Variants in ABI3BP observed in about 807,000 individuals in gnomAD.
ABI3BP encodes the protein ABI family member 3 binding protein.
Under a neutral mutation model 268.6 loss-of-function variants are expected in ABI3BP, and 216 were observed. That is an observed-to-expected ratio of 0.80 (90% confidence interval 0.72 to 0.90). The LOEUF is 0.90. ABI3BP is among the 40% of genes least tolerant of loss of function. The pLI, the probability that ABI3BP is intolerant of heterozygous loss-of-function variation, is 0.00. For synonymous variants in ABI3BP, 730 were observed against 730.0 expected (o/e 1.00, Z 0.00); for missense variants, 2,090 against 2,182.4 (o/e 0.96, Z 0.84).
intron 49 of ABI3BP, among the ~76,000 whole-genome samples, chr3:100,810,069 C>T (rs2152475478): frequency 6.6e-6 from 1 of 152,116 alleles, no homozygotes; most frequent in African/African-American, 2.4e-5. Context: ...ATACTTTTTA[C>T]ATGATCATAG....
intron 1 of ABI3BP, among the ~76,000 whole-genome samples, chr3:100,929,404 G>T (rs1181760676): frequency 1.3e-5 from 2 of 151,948 alleles, no homozygotes; most frequent in African/African-American, 4.8e-5. Flanking sequence ...TCTCCCTTTT[G>T]CTAACAATGT....
At chr3:100,954,450 C>T (rs2076154007) in intron 1 of ABI3BP, among the ~76,000 whole-genome samples, 1 of 152,202 alleles carries the variant, frequency 6.6e-6, no homozygotes, top group Non-Finnish European at 1.5e-5. Context: ...TTTTCACGTA[C>T]ATGCCCTTCC....
chr3:100,750,108 G>A lies in ABI3BP; in HGVS notation c.*387C>T, dbSNP rs896394353. 4.4e-6 allele frequency: 1 copy of A among 229,324 alleles called. No individual in the cohort carries two copies. 14.2% of individuals were successfully genotyped at this position (229,324 alleles called of 1,614,324 possible). On this transcript the variant is annotated 3_prime_UTR_variant, in exon 68 of 68. Transcript: ENST00000471714. Reference sequence around the variant, plus strand: ...GATTTATGGAATTAACTCATCAATAGGAAGAGTACACATCAATAAAAGTAA... The same window carrying A: ...GATTTATGGAATTAACTCATCAATAAGAAGAGTACACATCAATAAAAGTAA...
chr3:100,922,067 A>T (rs924888555), intron 2 of ABI3BP, among the ~76,000 whole-genome samples: 3 of 152,242 alleles, frequency 2.0e-5, no homozygotes, highest in Admixed American at 2.0e-4. Flanking sequence ...CTTATTACAA[A>T]AGAAAGTAAG....
At chr3:100,802,423 C>T (rs2097558942) in intron 51 of ABI3BP, among the ~76,000 whole-genome samples, 1 of 152,180 alleles carries the variant, frequency 6.6e-6, no homozygotes, top group Non-Finnish European at 1.5e-5. Flanking sequence ...CCTGTTTAGA[C>T]TCCAAGTTAA....
intron 50 of ABI3BP, among the ~76,000 whole-genome samples, chr3:100,805,076 A>G (rs1252767124): frequency 2.0e-5 from 3 of 152,150 alleles, no homozygotes; most frequent in Non-Finnish European, 4.4e-5. Flanking sequence ...GTGAAATCCG[A>G]GAAACTGCAA....
chr3:100,800,190 C>G (rs997629959), intron 51 of ABI3BP, among the ~76,000 whole-genome samples: 2 of 151,056 alleles, frequency 1.3e-5, no homozygotes, highest in Admixed American at 6.6e-5. Context: ...TGCAAACCTA[C>G]TAAGTGATTC....
intron 5 of ABI3BP, 34 bp from the exon 6 acceptor site, chr3:100,885,622 A>G (rs769212954): frequency 1.5e-6 from 2 of 1,334,636 alleles, no homozygotes; most frequent in South Asian, 2.7e-5. Flanking sequence ...CATTATTTTT[A>G]TTCTCCTTGC....
intron 1 of ABI3BP, among the ~76,000 whole-genome samples, chr3:100,962,465 G>C (rs1228334422): frequency 6.6e-6 from 1 of 151,978 alleles, no homozygotes; most frequent in African/African-American, 2.4e-5. Context: ...AAAAACAACA[G>C]TAACAAAACA....
chr3:100,913,743 A>G (rs2057597294), intron 2 of ABI3BP, among the ~76,000 whole-genome samples: 1 of 152,228 alleles, frequency 6.6e-6, no homozygotes, highest in South Asian at 2.1e-4. Context: ...GCCCTTAAAC[A>G]TAAAAAAGAA....
chr3:100,798,720 T>C (rs980987461), intron 51 of ABI3BP, among the ~76,000 whole-genome samples: 2 of 147,650 alleles, frequency 1.4e-5, no homozygotes, highest in Non-Finnish European at 1.5e-5. Context: ...TGCATGAATG[T>C]TTTGATAGAG....
intron 1 of ABI3BP, among the ~76,000 whole-genome samples, chr3:100,958,370 C>T (rs1255155637): frequency 3.9e-5 from 6 of 152,218 alleles, no homozygotes; most frequent in African/African-American, 7.2e-5. Context: ...TTCATTAGAG[C>T]GAGTGTACTT....
chr3:100,946,690 A>G (rs2072528053), intron 1 of ABI3BP, among the ~76,000 whole-genome samples: 1 of 152,022 alleles, frequency 6.6e-6, no homozygotes. Flanking sequence ...TGGGAGGCTA[A>G]GGCAGGAGAA....
At chr3:100,960,287 T>G (rs1461096548) in intron 1 of ABI3BP, among the ~76,000 whole-genome samples, 1 of 152,176 alleles carries the variant, frequency 6.6e-6, no homozygotes, top group Non-Finnish European at 1.5e-5. Context: ...CAGTGCAACA[T>G]GCATGTAATT....
chr3:100,858,184 G>C lies in ABI3BP; in HGVS notation c.1285+4127C>G, dbSNP rs370020586. On this transcript the variant is annotated intron_variant, in intron 14 of 67. Coordinates refer to ENST00000471714, the MANE Select transcript of ABI3BP (RefSeq NM_001375547.2). ...TTTTATATTCTGATACATAATTATA[G>C]AGAAGGTTTTCATGATTACCTTTAT... 3.9e-5 allele frequency among the ~76,000 whole-genome samples: 6 copies of C among 152,132 alleles called. No homozygotes were observed. In the East Asian group the frequency reaches 1.2e-3, roughly 29 times the overall value.
intron 2 of ABI3BP, among the ~76,000 whole-genome samples, chr3:100,916,592 G>C (rs963555789): frequency 9.2e-5 from 14 of 152,138 alleles, no homozygotes; most frequent in African/African-American, 3.4e-4. Flanking sequence ...TTGCTCTAAG[G>C]ATTTAATAAC....
At chr3:100,876,425 T>C in intron 7 of ABI3BP, 87 bp downstream of exon 7, 3 of 1,210,682 alleles carry the variant, frequency 2.5e-6, no homozygotes, top group Non-Finnish European at 3.5e-6. Flanking sequence ...AATTAAAAAA[T>C]CGAGAAAATA....
At chr3:100,799,139 G>T (rs2097446023) in intron 51 of ABI3BP, among the ~76,000 whole-genome samples, 1 of 151,836 alleles carries the variant, frequency 6.6e-6, no homozygotes, top group Non-Finnish European at 1.5e-5. Context: ...TCATTTCCTT[G>T]ACATGGCTTC....
At chr3:100,912,129 G>A in intron 2 of ABI3BP, 1 of 533,884 alleles carries the variant, frequency 1.9e-6, no homozygotes, top group Admixed American at 2.9e-5. Context: ...GGTTGTGTAA[G>A]GCAAGCTGGT....
Sources: allele counts gnomAD v4.1 joint callset (sites outside exome capture counted in the v4.1 genomes callset), GRCh38; gene constraint gnomAD v4.1.1; transcripts MANE v1.5; gene names NCBI Gene and HGNC (gene_info 2026-07-23, HGNC 2026-07-21).